Variants in ADCY2 observed in about 807,000 individuals in gnomAD.
ADCY2 encodes adenylate cyclase 2.
Under a neutral mutation model 125.2 loss-of-function variants are expected in ADCY2, and 31 were observed. The observed-to-expected ratio is 0.25, with a 90% CI of 0.19 to 0.33. ADCY2 has a LOEUF of 0.33. Ranked by LOEUF, ADCY2 falls within the 10% of genes least tolerant of loss-of-function variation. The pLI, the probability that ADCY2 is intolerant of heterozygous loss-of-function variation, is 1.00. For missense variants in ADCY2, 904 were observed against 1,418.2 expected, an observed-to-expected ratio of 0.64 and a Z score of 5.82; for synonymous variants, 512 against 548.4, an observed-to-expected ratio of 0.93 and a Z score of 0.93.
chr5:7,739,460 G>C (rs1298073455), intron 14 of ADCY2, among the ~76,000 whole-genome samples: 2 of 151,702 alleles, frequency 1.3e-5, no homozygotes, highest in African/African-American at 2.4e-5. Flanking sequence ...TTTAAAATTA[G>C]AAAAGAGGAA....
At chr5:7,603,784 CTTTTTTTTT>C in intron 3 of ADCY2, among the ~76,000 whole-genome samples, 476 of 62,846 alleles carry the variant, frequency 7.6e-3, no homozygotes, top group African/African-American at 0.029. Flanking sequence ...TGCTCTCTTT[CTTTTTTTTT>C]TTTTTTTTTT....
intron 3 of ADCY2, among the ~76,000 whole-genome samples, chr5:7,547,408 G>T (rs1007954831): frequency 3.9e-5 from 6 of 152,182 alleles, no homozygotes; most frequent in Non-Finnish European, 7.3e-5. Flanking sequence ...CAGTCCAGGA[G>T]ATCCTGAAAA....
At chr5:7,675,844 A>G (rs1740108327) in intron 4 of ADCY2, among the ~76,000 whole-genome samples, 2 of 152,328 alleles carry the variant, frequency 1.3e-5, no homozygotes, top group African/African-American at 2.4e-5. Flanking sequence ...TAGCAGTAGT[A>G]GAGGACTCCA....
At chr5:7,660,101 G>C (rs1739470005) in intron 4 of ADCY2, among the ~76,000 whole-genome samples, 1 of 152,012 alleles carries the variant, frequency 6.6e-6, no homozygotes, top group Non-Finnish European at 1.5e-5. Flanking sequence ...CTACTTCCAT[G>C]AGTGGATCAT....
intron 4 of ADCY2, among the ~76,000 whole-genome samples, chr5:7,665,828 C>CTTT (rs70940750): frequency 0.01 from 400 of 38,636 alleles, 155 homozygotes; most frequent in African/African-American, 0.038. Context: ...TAATTTAATT[C>CTTT]TTTTTTTTTT....
intron 4 of ADCY2, among the ~76,000 whole-genome samples, chr5:7,653,065 A>G (rs1166277108): frequency 1.3e-5 from 2 of 152,252 alleles, no homozygotes; most frequent in Non-Finnish European, 2.9e-5. Context: ...TTTGATTTCC[A>G]TGAATCTGTT....
chr5:7,775,175 TTGTG>T (rs200142910), intron 18 of ADCY2, among the ~76,000 whole-genome samples: 1,984 of 146,228 alleles, frequency 0.014, 38 homozygotes, highest in African/African-American at 0.041. Flanking sequence ...CCCAGCTACT[TTGTG>T]TGTGTGTGTG....
At chr5:7,823,375 A>G (rs778787995) in intron 24 of ADCY2, among the ~76,000 whole-genome samples, 18 of 152,176 alleles carry the variant, frequency 1.2e-4, no homozygotes, top group Non-Finnish European at 2.5e-4. Flanking sequence ...CTAGGGTGCA[A>G]GACGAGGCTC....
In ADCY2 at chr5:7,694,851, T is replaced by C. The variant is rs113229825; in HGVS notation, c.870-901T>C. On this transcript the variant is annotated intron_variant, in intron 5 of 24. Transcript: ENST00000338316. The stretch of plus-strand genomic sequence containing the variant: ...TTAATTTTTTTGAGGACCGAACATA[T>C]TGTTTTTCAGAGTGGCTGCATCATT... 1.9e-3 allele frequency among the ~76,000 whole-genome samples: 290 copies of C among 152,316 alleles called. 1 individual carries two copies. The highest frequency in any genetic ancestry group is 6.6e-3 in the African/African-American group (276 of 41,566).
intron 4 of ADCY2, among the ~76,000 whole-genome samples, chr5:7,688,805 G>A (rs1231870344): frequency 6.6e-6 from 1 of 152,168 alleles, no homozygotes; most frequent in Non-Finnish European, 1.5e-5. Flanking sequence ...AGTACTAGCA[G>A]AACTCAATCC....
intron 20 of ADCY2, among the ~76,000 whole-genome samples, chr5:7,790,266 C>T (rs1254040689): frequency 1.3e-5 from 2 of 152,120 alleles, no homozygotes; most frequent in Non-Finnish European, 2.9e-5. Flanking sequence ...CCTTCCAAGG[C>T]TCTTAGAATT....
chr5:7,627,469 G>A (rs988540504), intron 4 of ADCY2, among the ~76,000 whole-genome samples: 1 of 152,118 alleles, frequency 6.6e-6, no homozygotes, highest in African/African-American at 2.4e-5. Context: ...GTGTGTTCCT[G>A]GGTTTGTGTA....
intron 2 of ADCY2, among the ~76,000 whole-genome samples, chr5:7,519,865 A>G (rs1744380151): frequency 6.6e-6 from 1 of 151,914 alleles, no homozygotes; most frequent in Admixed American, 6.6e-5. Context: ...TTCCATCCCT[A>G]TGGGTTTACT....
At chr5:7,730,990 T>C (rs963392637) in intron 14 of ADCY2, among the ~76,000 whole-genome samples, 7 of 152,190 alleles carry the variant, frequency 4.6e-5, no homozygotes, top group Non-Finnish European at 5.9e-5. Flanking sequence ...ATTGTCTCGA[T>C]TGTCTATTCT....
At chr5:7,736,219 C>CA (rs201618976) in intron 14 of ADCY2, among the ~76,000 whole-genome samples, 7 of 148,994 alleles carry the variant, frequency 4.7e-5, no homozygotes, top group South Asian at 4.3e-4. Flanking sequence ...GACTCTGTCT[C>CA]AAAAAAAAAT....
At chr5:7,480,136 G>GA (rs1329968510) in intron 2 of ADCY2, among the ~76,000 whole-genome samples, 3 of 152,118 alleles carry the variant, frequency 2.0e-5, no homozygotes, top group African/African-American at 7.2e-5. Flanking sequence ...AGTTTACAGA[G>GA]AAAAAAGAGT....
At chr5:7,685,974 G>C (rs1740508348) in intron 4 of ADCY2, among the ~76,000 whole-genome samples, 1 of 152,064 alleles carries the variant, frequency 6.6e-6, no homozygotes, top group Non-Finnish European at 1.5e-5. Context: ...CATCCTTTCT[G>C]TTTATCCCAT....
At chr5:7,826,603 A>C in intron 24 of ADCY2, 116 bp from the exon 25 acceptor site, 1 of 1,315,086 alleles carries the variant, frequency 7.6e-7, no homozygotes, top group Non-Finnish European at 1.1e-6. Context: ...ACTTCTCAGG[A>C]GTGGAATTCC....
chr5:7,760,739 A>G (rs187254540), intron 16 of ADCY2, among the ~76,000 whole-genome samples: 4 of 152,354 alleles, frequency 2.6e-5, no homozygotes, highest in African/African-American at 4.8e-5. Context: ...CACCTTCCAC[A>G]TAGCTTCTTG....
Sources: allele counts gnomAD v4.1 joint callset (sites outside exome capture counted in the v4.1 genomes callset), GRCh38; gene constraint gnomAD v4.1.1; transcripts MANE v1.5; gene names NCBI Gene and HGNC (gene_info 2026-07-23, HGNC 2026-07-21).